Variants in LIMCH1 observed in about 807,000 individuals in gnomAD.
The protein encoded by LIMCH1 is LIM and calponin homology domains 1.
Under a neutral mutation model 176.5 loss-of-function variants are expected in LIMCH1, and 113 were observed. That is an observed-to-expected ratio of 0.64 (90% CI 0.55 to 0.75). The LOEUF (loss-of-function observed/expected upper bound fraction) is 0.75, where lower values mean the gene tolerates loss of function less well. Among genes scored for constraint, LIMCH1 ranks in the 30% least tolerant of loss-of-function variants. The probability of loss-of-function intolerance (pLI) is 0.00; values close to 1 mark genes in which losing one functional copy is unlikely to be tolerated. For synonymous variants in LIMCH1, 619 were observed against 645.9 expected (o/e 0.96, Z 0.63); for missense variants, 1,674 against 1,814.9 (o/e 0.92, Z 1.41).
intron 1 of LIMCH1, among the ~76,000 whole-genome samples, chr4:41,579,666 T>C (rs1255539376): frequency 6.6e-6 from 1 of 152,208 alleles, no homozygotes; most frequent in Non-Finnish European, 1.5e-5. Context: ...CACTGCTGAG[T>C]GTAACAGCAA....
At chr4:41,516,517 A>G (rs539075209) in intron 2 of LIMCH1, among the ~76,000 whole-genome samples, 2 of 152,242 alleles carry the variant, frequency 1.3e-5, no homozygotes, top group African/African-American at 4.8e-5. Context: ...TTTACTCCTT[A>G]TCTAGATTAT....
At chr4:41,363,220 G>T (rs1268258503) in intron 1 of LIMCH1, among the ~76,000 whole-genome samples, 1 of 152,150 alleles carries the variant, frequency 6.6e-6, no homozygotes, top group Non-Finnish European at 1.5e-5. Context: ...GTTGCCTTGT[G>T]AACAAAGATT....
chr4:41,679,203 CCTTT>C (rs1162717602), intron 23 of LIMCH1, among the ~76,000 whole-genome samples: 2 of 152,172 alleles, frequency 1.3e-5, no homozygotes, highest in African/African-American at 4.8e-5. Context: ...ATAAATGGTT[CCTTT>C]GTCTCTGTCA....
intron 1 of LIMCH1, among the ~76,000 whole-genome samples, chr4:41,453,060 G>A (rs544557309): frequency 1.1e-4 from 17 of 152,148 alleles, no homozygotes; most frequent in Non-Finnish European, 2.1e-4. Flanking sequence ...CTGACACAAA[G>A]GATATGTACC....
chr4:41,598,528 T>A (rs547648375), intron 1 of LIMCH1, among the ~76,000 whole-genome samples: 13 of 149,356 alleles, frequency 8.7e-5, no homozygotes, highest in East Asian at 3.9e-4. Context: ...AAAACCTTTT[T>A]AAAAAAAAAA....
At chr4:41,558,361 T>G (rs542312800) in intron 1 of LIMCH1, among the ~76,000 whole-genome samples, 24 of 152,344 alleles carry the variant, frequency 1.6e-4, no homozygotes, top group Non-Finnish European at 2.9e-4. Context: ...AGGGTATCGT[T>G]TAAGCCACTG....
At chr4:41,518,218 T>C (rs980108488) in intron 2 of LIMCH1, among the ~76,000 whole-genome samples, 7 of 152,188 alleles carry the variant, frequency 4.6e-5, no homozygotes, top group African/African-American at 1.7e-4. Context: ...CGATAACATA[T>C]AAGCTGCCCA....
intron 1 of LIMCH1, among the ~76,000 whole-genome samples, chr4:41,429,715 A>G (rs537022388): frequency 1.3e-5 from 2 of 152,330 alleles, no homozygotes; most frequent in South Asian, 4.1e-4. Context: ...GTGTTAGATG[A>G]TGCTGCAGTA....
chr4:41,621,420 T>C (rs2092571020), intron 7 of LIMCH1, among the ~76,000 whole-genome samples: 1 of 152,084 alleles, frequency 6.6e-6, no homozygotes, highest in Non-Finnish European at 1.5e-5. Context: ...TAACAAATAA[T>C]AGTGCAGCCA....
intron 20 of LIMCH1, among the ~76,000 whole-genome samples, chr4:41,665,366 T>C (rs1349277044): frequency 6.6e-6 from 1 of 152,226 alleles, no homozygotes; most frequent in East Asian, 1.9e-4. Flanking sequence ...TTGTCAGCTT[T>C]GGGAAGGCTA....
chr4:41,620,315 C>A, intron 6 of LIMCH1, 109 bp from the exon 7 acceptor site: 1 of 1,118,654 alleles, frequency 8.9e-7, no homozygotes, highest in Non-Finnish European at 1.2e-6. Context: ...TGTGCTATGA[C>A]TTTCTTTTCT....
intron 1 of LIMCH1, among the ~76,000 whole-genome samples, chr4:41,402,735 C>T (rs1174444904): frequency 1.4e-5 from 2 of 146,208 alleles, no homozygotes; most frequent in Admixed American, 7.0e-5. Flanking sequence ...GACAAAAAAC[C>T]AAACACCGCA....
intron 1 of LIMCH1, among the ~76,000 whole-genome samples, chr4:41,475,455 C>T (rs1276155862): frequency 6.6e-6 from 1 of 152,162 alleles, no homozygotes; most frequent in Non-Finnish European, 1.5e-5. Context: ...GTGTCTGTTT[C>T]TTCCCCACTT....
At chr4:41,656,363 A>G (rs1035224932) in intron 18 of LIMCH1, among the ~76,000 whole-genome samples, 2 of 152,232 alleles carry the variant, frequency 1.3e-5, no homozygotes, top group Admixed American at 6.5e-5. Flanking sequence ...TTCTCCATCT[A>G]GAAGTAGTTG....
At chr4:41,561,881 T>A (rs1460995937) in intron 1 of LIMCH1, among the ~76,000 whole-genome samples, 2 of 152,208 alleles carry the variant, frequency 1.3e-5, no homozygotes, top group Non-Finnish European at 2.9e-5. Flanking sequence ...AGTAAACATT[T>A]GCTTGAAAAT....
chr4:41,547,488 C>T (rs2079623481), intron 1 of LIMCH1, among the ~76,000 whole-genome samples: 1 of 148,482 alleles, frequency 6.7e-6, no homozygotes, highest in Admixed American at 6.7e-5. Flanking sequence ...TAGCCACTTC[C>T]CAGCCCAAGG....
chr4:41,427,943 G>GAAAA (rs11365470), intron 1 of LIMCH1, among the ~76,000 whole-genome samples: 1 of 129,770 alleles, frequency 7.7e-6, no homozygotes. Flanking sequence ...CATCTATTTG[G>GAAAA]AAAAAAAAAA....
At chr4:41,568,742 G>C (rs965464015) in intron 1 of LIMCH1, among the ~76,000 whole-genome samples, 2 of 152,152 alleles carry the variant, frequency 1.3e-5, no homozygotes, top group South Asian at 4.1e-4. Context: ...ACTATGAATA[G>C]TAAATAACCA....
At chr4:41,400,409 T>TC (rs1430014376) in intron 1 of LIMCH1, among the ~76,000 whole-genome samples, 5 of 152,192 alleles carry the variant, frequency 3.3e-5, no homozygotes, top group African/African-American at 1.2e-4. Context: ...ATTATGAATG[T>TC]CGGGGAAGGT....
Sources: gnomAD v4.1 joint callset for allele counts (sites outside exome capture counted in the v4.1 genomes callset) on GRCh38, gnomAD v4.1.1 for gene constraint, MANE v1.5 for transcripts, NCBI Gene and HGNC (gene_info 2026-07-23, HGNC 2026-07-21) for gene names.